The following SH3GL2 variants were observed in gnomAD, a reference collection of about 807,000 sequenced individuals.
SH3GL2 encodes SH3 domain containing GRB2 like 2, endophilin A1, also known as endophilin-A1.
SH3GL2 carries 24 observed loss-of-function variants against 46.0 expected under a neutral mutation model. The observed-to-expected ratio is 0.52, with a 90% CI of 0.38 to 0.73. SH3GL2 has a LOEUF of 0.73. Ranked by LOEUF, SH3GL2 falls within the 30% of genes least tolerant of loss-of-function variation. The pLI, the probability that SH3GL2 is intolerant of heterozygous loss-of-function variation, is 0.00. For synonymous variants in SH3GL2, 196 were observed against 147.1 expected (o/e 1.33, Z -2.40); for missense variants, 413 against 424.2 (o/e 0.97, Z 0.23).
intron 2 of SH3GL2, among the ~76,000 whole-genome samples, chr9:17,757,467 A>AAAAC (rs1377861408): frequency 1.3e-5 from 2 of 152,310 alleles, no homozygotes; most frequent in East Asian, 3.9e-4. Flanking sequence ...TTACAAGAAA[A>AAAAC]AAACAACCCC....
chr9:17,641,882 A>G (rs1421313477), intron 1 of SH3GL2, among the ~76,000 whole-genome samples: 1 of 152,216 alleles, frequency 6.6e-6, no homozygotes, highest in African/African-American at 2.4e-5. Flanking sequence ...GCTATTGTGA[A>G]TAATGCTGCA....
intron 1 of SH3GL2, among the ~76,000 whole-genome samples, chr9:17,640,229 C>T (rs1240346449): frequency 6.6e-6 from 1 of 152,008 alleles, no homozygotes; most frequent in African/African-American, 2.4e-5. Flanking sequence ...TTTGCTTCTA[C>T]TAATGAAGCA....
intron 2 of SH3GL2, among the ~76,000 whole-genome samples, chr9:17,754,964 G>C (rs956122311): frequency 6.6e-6 from 1 of 152,018 alleles, no homozygotes; most frequent in Non-Finnish European, 1.5e-5. Flanking sequence ...CTTCCTACTT[G>C]GATGTGCTTT....
rs571373366 is a variant in SH3GL2, at chr9:17,716,769, A to G, written c.46-30297A>G. On this transcript the variant is annotated intron_variant, in intron 1 of 8. Coordinates refer to ENST00000380607, the MANE Select transcript of SH3GL2 (RefSeq NM_003026.5). The stretch of plus-strand genomic sequence containing the variant: ...TCAGATTCTGATCTCTCTTCACTCC[A>G]TTCGCCTATGTTCTCTCTCTTTGCA... 1.2e-3 allele frequency among the ~76,000 whole-genome samples: 189 copies of G among 152,096 alleles called. 1 individual carries two copies. Among genetic ancestry groups the G allele is most frequent in the African/African-American group, 4.0e-3 (164 of 41,512 alleles).
chr9:17,782,064 CT>C (rs1248662476), intron 3 of SH3GL2, among the ~76,000 whole-genome samples: 48 of 152,246 alleles, frequency 3.2e-4, no homozygotes, highest in African/African-American at 1.1e-3. Context: ...ATGAATATTT[CT>C]TTTGCTCACT....
At chr9:17,769,019 C>T (rs1248643299) in intron 3 of SH3GL2, among the ~76,000 whole-genome samples, 1 of 152,152 alleles carries the variant, frequency 6.6e-6, no homozygotes, top group African/African-American at 2.4e-5. Context: ...TTCATGGGGC[C>T]TGGCCAGCCC....
At chr9:17,753,043 C>T (rs1822892400) in intron 2 of SH3GL2, among the ~76,000 whole-genome samples, 1 of 152,140 alleles carries the variant, frequency 6.6e-6, no homozygotes, top group Non-Finnish European at 1.5e-5. Context: ...CCTGCTCTCT[C>T]TCTTTTATGG....
Position 17,732,129 on chromosome 9 carries a change from C to T in SH3GL2, c.46-14937C>T, listed in dbSNP as rs115327281. On this transcript the variant is annotated intron_variant, in intron 1 of 8. Transcript: ENST00000380607. ...CTTTCACTCTTTTTTTGGACTTCAT[C>T]ATATTCTCAACAACAATCATAACAG... Among the ~76,000 whole-genome samples the T allele has an allele frequency of 3.7e-3, 557 of 152,210 alleles. 6 individuals are homozygous for T. The highest frequency in any genetic ancestry group is 0.011 in the African/African-American group (452 of 41,548).
intron 1 of SH3GL2, among the ~76,000 whole-genome samples, chr9:17,710,980 G>T (rs1588263429): frequency 6.6e-6 from 1 of 151,930 alleles, no homozygotes; most frequent in African/African-American, 2.4e-5. Flanking sequence ...ATATATGATT[G>T]TGCACATTCA....
At chr9:17,610,488 T>G (rs1024547867) in intron 1 of SH3GL2, among the ~76,000 whole-genome samples, 12 of 152,326 alleles carry the variant, frequency 7.9e-5, no homozygotes, top group African/African-American at 2.6e-4. Flanking sequence ...TTGGTTTAAG[T>G]TGTTGATACA....
At chr9:17,689,787 A>G (rs562529164) in intron 1 of SH3GL2, among the ~76,000 whole-genome samples, 2 of 152,212 alleles carry the variant, frequency 1.3e-5, no homozygotes, top group Middle Eastern at 3.4e-3. Context: ...TTATAATAGT[A>G]TCTCCTGCAG....
chr9:17,592,722 C>G (rs1018999014), intron 1 of SH3GL2, among the ~76,000 whole-genome samples: 14 of 151,956 alleles, frequency 9.2e-5, no homozygotes, highest in African/African-American at 2.7e-4. Context: ...TTTCGTCTCC[C>G]TGTTTCCTCA....
chr9:17,742,104 G>A (rs1563835266), intron 1 of SH3GL2, among the ~76,000 whole-genome samples: 1 of 152,174 alleles, frequency 6.6e-6, no homozygotes, highest in Admixed American at 6.6e-5. Context: ...AGTGTGGGAG[G>A]TATGAATAAA....
intron 1 of SH3GL2, among the ~76,000 whole-genome samples, chr9:17,613,536 G>C (rs1818915303): frequency 6.6e-6 from 1 of 152,190 alleles, no homozygotes; most frequent in African/African-American, 2.4e-5. Context: ...CCTAGAGGAA[G>C]GTAACATTCT....
intron 1 of SH3GL2, chr9:17,590,088 G>T (rs1201971497): frequency 8.5e-5 from 13 of 152,184 alleles, no homozygotes; most frequent in Admixed American, 8.5e-4. Flanking sequence ...GTGTCCTGTA[G>T]AAATTGCAGG....
In SH3GL2 at chr9:17,584,061, A is replaced by G. The variant is rs1588155559; in HGVS notation, c.45+4774A>G. On this transcript the variant is annotated intron_variant, in intron 1 of 8. Coordinates refer to ENST00000380607, the MANE Select transcript of SH3GL2 (RefSeq NM_003026.5). ...GTACCCTTTCACATTCTTAGCCAGT[A>G]GTCTCTAATAGGCTGCAAGGGGCCT... Among the ~76,000 whole-genome samples the G allele has an allele frequency of 2.0e-5, 3 of 152,154 alleles. No individual in the cohort carries two copies. In the East Asian group the frequency reaches 5.8e-4, roughly 29 times the overall value.
At chr9:17,793,537 G>C in intron 8 of SH3GL2, 40 bp downstream of exon 8, 1 of 1,598,210 alleles carries the variant, frequency 6.3e-7, no homozygotes, top group Non-Finnish European at 8.5e-7. Flanking sequence ...ATAGCCCTTG[G>C]CATATCCATT....
chr9:17,758,138 A>G lies in SH3GL2; in HGVS notation c.115-3299A>G, dbSNP rs575170041. On this transcript the variant is annotated intron_variant, in intron 2 of 8. Coordinates refer to ENST00000380607, the MANE Select transcript of SH3GL2 (RefSeq NM_003026.5). The stretch of plus-strand genomic sequence containing the variant: ...TGGGAACTACTTTTCTCCTCATAAC[A>G]CACTTAAAGAGCTCCTTTCCCTTCT... 5.9e-5 allele frequency among the ~76,000 whole-genome samples: 9 copies of G among 152,282 alleles called. No homozygotes were observed. The East Asian group carries it at 1.4e-3, about 23-fold the overall frequency.
At chr9:17,790,386 A>G (rs1824090720) in intron 6 of SH3GL2, 2 of 974,492 alleles carry the variant, frequency 2.1e-6, no homozygotes, top group South Asian at 9.5e-5. Context: ...TAACCATCAC[A>G]TTGCCTACTT....
Sources: allele counts gnomAD v4.1 joint callset (sites outside exome capture counted in the v4.1 genomes callset), GRCh38; gene constraint gnomAD v4.1.1; transcripts MANE v1.5; gene names NCBI Gene and HGNC (gene_info 2026-07-23, HGNC 2026-07-21).